COL8A1: variants seen among roughly 807,000 people sequenced by gnomAD.
COL8A1 encodes collagen type VIII alpha 1 chain.
A neutral mutation model predicts 42.7 loss-of-function variants in COL8A1; 21 were observed. The ratio of observed to expected loss-of-function variants is 0.49; its 90% CI spans 0.35 to 0.71. The LOEUF (loss-of-function observed/expected upper bound fraction) is 0.71. Ranked by LOEUF, COL8A1 falls within the 30% of genes least tolerant of loss-of-function variation. The pLI, the probability that COL8A1 is intolerant of heterozygous loss-of-function variation, is 0.01. For missense variants in COL8A1, 788 were observed against 962.4 expected, an observed-to-expected ratio of 0.82 and a Z score of 2.40; for synonymous variants, 367 against 369.1, an observed-to-expected ratio of 0.99 and a Z score of 0.06.
chr3:99,710,499 A>G lies in COL8A1; in HGVS notation c.-128-34398A>G, dbSNP rs567071944. Reference sequence around the variant, plus strand: ...AACTAAGCTAAGTTGCCAGTGGCCCATAAGCAAAATTCCAAATAACATTTA... The same window carrying G: ...AACTAAGCTAAGTTGCCAGTGGCCCGTAAGCAAAATTCCAAATAACATTTA... On this transcript the variant is annotated intron_variant, in intron 1 of 3. Transcript: ENST00000652472. 1.7e-4 allele frequency among the ~76,000 whole-genome samples: 26 copies of G among 152,352 alleles called. No homozygotes were observed. The East Asian group carries it at 4.6e-3, about 27-fold the overall frequency.
In COL8A1 at chr3:99,794,943, C is replaced by G; in HGVS notation, c.1042C>G (p.Pro348Ala). 2.5e-6 allele frequency: 4 copies of G among 1,594,668 alleles called. No homozygotes were observed. The highest frequency in any genetic ancestry group is 3.4e-6 in the Non-Finnish European group (4 of 1,171,150). The change falls in exon 4 of 4, where the codon CCA becomes GCA. Residue 348 changes from proline to alanine, a missense_variant. By Grantham distance (27) the Pro-to-Ala change is conservative (BLOSUM62 -1). Around this residue, in one of 4 missense-constraint regions of COL8A1, gnomAD observed 421 missense variants for 553.1 expected, o/e 0.76. Coordinates refer to ENST00000652472, the MANE Select transcript of COL8A1 (RefSeq NM_020351.4). This position sits in a 1 kb window ranked among gnomAD's most constrained non-coding sequence, Gnocchi z 4.3. ...AGGGCTACCAGGACCCCCAGGCCTT[C>G]CAGGGATTGGGAAACCAGGCTTCCC... is the stretch of plus-strand genomic sequence containing the variant. ...LPGLPGPPGL[P>A]GIGKPGFPGP...
intron 2 of COL8A1, among the ~76,000 whole-genome samples, chr3:99,785,069 T>C (rs1490015371): frequency 2.0e-5 from 3 of 152,180 alleles, no homozygotes; most frequent in Non-Finnish European, 2.9e-5. Flanking sequence ...CCACCACTAA[T>C]AGTAAACTGC....
At chr3:99,780,207 A>G (rs755845368) in intron 2 of COL8A1, among the ~76,000 whole-genome samples, 7 of 152,202 alleles carry the variant, frequency 4.6e-5, no homozygotes, top group African/African-American at 7.2e-5. Flanking sequence ...ACAACCTCAT[A>G]AGACAGATAA....
At chr3:99,672,061 T>C (rs1938562755) in intron 1 of COL8A1, among the ~76,000 whole-genome samples, 1 of 152,048 alleles carries the variant, frequency 6.6e-6, no homozygotes, top group Non-Finnish European at 1.5e-5. Context: ...CTTTAGAGCC[T>C]GACAGCTTTT....
Position 99,673,413 on chromosome 3 carries a change from G to A in COL8A1, c.-129+34749G>A, listed in dbSNP as rs1938603354. Among the ~76,000 whole-genome samples the A allele has an allele frequency of 2.6e-5, 4 of 152,000 alleles. 1 individual carries two copies. The highest frequency in any genetic ancestry group is 2.0e-4 in the Admixed American group (3 of 15,226). Reference sequence around the variant, plus strand: ...TTCAGACTTGGATATTAGGGACATTGTGCTTCCTTTCAAAATCCATTATGG... The same window carrying A: ...TTCAGACTTGGATATTAGGGACATTATGCTTCCTTTCAAAATCCATTATGG... On this transcript the variant is annotated intron_variant, in intron 1 of 3. Coordinates refer to ENST00000652472, the MANE Select transcript of COL8A1 (RefSeq NM_020351.4).
intron 1 of COL8A1, among the ~76,000 whole-genome samples, chr3:99,673,342 G>A (rs1158814944): frequency 3.3e-5 from 5 of 152,020 alleles, no homozygotes; most frequent in African/African-American, 7.2e-5. Context: ...CCTTGATCAA[G>A]AGTAAAAGTC....
chr3:99,754,724 C>T (rs1941220427), intron 2 of COL8A1, among the ~76,000 whole-genome samples: 1 of 152,150 alleles, frequency 6.6e-6, no homozygotes, highest in African/African-American at 2.4e-5. Context: ...GTTCAACCCC[C>T]TCTCACTCCA....
intron 1 of COL8A1, among the ~76,000 whole-genome samples, chr3:99,718,096 ATC>A (rs1173043999): frequency 6.6e-6 from 1 of 151,744 alleles, no homozygotes; most frequent in African/African-American, 2.4e-5. Context: ...CCTCCATAAT[ATC>A]TTCCCTCACT....
At chr3:99,772,321 GAAGA>G (rs1232475294) in intron 2 of COL8A1, among the ~76,000 whole-genome samples, 4 of 152,286 alleles carry the variant, frequency 2.6e-5, no homozygotes, top group African/African-American at 7.2e-5. Context: ...GGTGAGTAGA[GAAGA>G]AAGAACAGGC....
chr3:99,666,866 G>A (rs1367723867), intron 1 of COL8A1, among the ~76,000 whole-genome samples: 1 of 152,158 alleles, frequency 6.6e-6, no homozygotes, highest in East Asian at 1.9e-4. Context: ...CTAAATACAT[G>A]ACATTTGGCA....
chr3:99,706,076 T>G (rs1939673293), intron 1 of COL8A1, among the ~76,000 whole-genome samples: 1 of 152,064 alleles, frequency 6.6e-6, no homozygotes, highest in African/African-American at 2.4e-5. Flanking sequence ...TACTGTTAGG[T>G]CAGGAAAAAT....
At chr3:99,678,136 G>A (rs1938757053) in intron 1 of COL8A1, 1 of 151,984 alleles carries the variant, frequency 6.6e-6, no homozygotes, top group Non-Finnish European at 1.5e-5. Context: ...GCTGTGAGTG[G>A]GTGGAACACA....
chr3:99,661,422 C>T (rs1316569808), intron 1 of COL8A1, among the ~76,000 whole-genome samples: 1 of 151,966 alleles, frequency 6.6e-6, no homozygotes, highest in Non-Finnish European at 1.5e-5. Flanking sequence ...TACCTCACAC[C>T]GACTAGGATG....
intron 1 of COL8A1, among the ~76,000 whole-genome samples, chr3:99,676,658 G>T (rs1576425717): frequency 2.0e-5 from 3 of 152,164 alleles, no homozygotes; most frequent in African/African-American, 7.2e-5. Context: ...AGACAAGAAT[G>T]CCCACTATCA....
intron 2 of COL8A1, among the ~76,000 whole-genome samples, chr3:99,745,395 G>T (rs1576460678): frequency 6.6e-6 from 1 of 152,294 alleles, no homozygotes; most frequent in Admixed American, 6.5e-5. Flanking sequence ...TTCTTTTCAT[G>T]ATTCAGCAGA....
chr3:99,764,707 T>TTTC (rs983753272), intron 2 of COL8A1, among the ~76,000 whole-genome samples: 2 of 146,980 alleles, frequency 1.4e-5, no homozygotes, highest in African/African-American at 2.5e-5. Flanking sequence ...TTTTCTTTTT[T>TTTC]TTTTTTTTTT....
chr3:99,740,860 T>C (rs938862008), intron 1 of COL8A1, among the ~76,000 whole-genome samples: 1 of 152,176 alleles, frequency 6.6e-6, no homozygotes, highest in Non-Finnish European at 1.5e-5. Context: ...AACAATATTC[T>C]ATAATATAAA....
chr3:99,699,705 G>A lies in COL8A1; in HGVS notation c.-128-45192G>A, dbSNP rs1048138411. Reference sequence around the variant, plus strand: ...AATTTTCCATTCTAGGGAAAAAACCGAGCTAAAACTTTTTAATCACAAAAT... The same window carrying A: ...AATTTTCCATTCTAGGGAAAAAACCAAGCTAAAACTTTTTAATCACAAAAT... On this transcript the variant is annotated intron_variant, in intron 1 of 3. Transcript: ENST00000652472. Among the ~76,000 whole-genome samples the A allele has an allele frequency of 1.1e-4, 17 of 152,036 alleles. No individual in the cohort carries two copies. In the East Asian group the frequency reaches 2.7e-3, roughly 24 times the overall value.
chr3:99,717,114 ATAAGT>A lies in COL8A1; in HGVS notation c.-128-27777_-128-27773del, dbSNP rs557868904. ...GAACCGAATCTCAGTCTTGCCACTG[ATAAGT>A]TAAGTGAATTTAAGAAAGTCGTAAT... On this transcript the variant is annotated intron_variant, in intron 1 of 3. Transcript: ENST00000652472. Among the ~76,000 whole-genome samples the A allele has an allele frequency of 2.1e-4, 32 of 152,126 alleles. No homozygotes were observed. In the East Asian group the frequency reaches 6.0e-3, roughly 28 times the overall value.
Sources: gnomAD v4.1 joint callset for allele counts (sites outside exome capture counted in the v4.1 genomes callset) on GRCh38, gnomAD v4.1.1 for gene constraint, gnomAD v4.1.1 regional missense constraint, Gnocchi (gnomAD v3.1) non-coding constraint, MANE v1.5 for transcripts, NCBI Gene and HGNC (gene_info 2026-07-23, HGNC 2026-07-21) for gene names.